Variants in SLC44A5 observed in about 807,000 individuals in gnomAD.
SLC44A5 encodes the protein solute carrier family 44 member 5, also known as choline transporter-like protein 5.
In SLC44A5, 57 loss-of-function variants were observed where a neutral mutation model predicts 101.8. The observed-to-expected ratio is 0.56, with a 90% CI of 0.45 to 0.70. The LOEUF is 0.70. Among genes scored for constraint, SLC44A5 ranks in the 30% least tolerant of loss-of-function variants. The pLI, the probability that SLC44A5 is intolerant of heterozygous loss-of-function variation, is 0.00. For synonymous variants in SLC44A5, 281 were observed against 290.9 expected (o/e 0.97, Z 0.35); for missense variants, 737 against 853.1 (o/e 0.86, Z 1.70).
chr1:75,545,799 T>C (rs1570580987), intron 1 of SLC44A5, among the ~76,000 whole-genome samples: 1 of 149,428 alleles, frequency 6.7e-6, no homozygotes, highest in Non-Finnish European at 1.5e-5. Flanking sequence ...CATTTATTAG[T>C]TAATTAACCA....
At chr1:75,492,755 T>C (rs940618959) in intron 2 of SLC44A5, among the ~76,000 whole-genome samples, 1 of 152,204 alleles carries the variant, frequency 6.6e-6, no homozygotes, top group African/African-American at 2.4e-5. Flanking sequence ...AAAGGTATTA[T>C]GATTATTGCT....
At chr1:75,434,152 C>T (rs751673108) in intron 2 of SLC44A5, among the ~76,000 whole-genome samples, 79 of 152,234 alleles carry the variant, frequency 5.2e-4, no homozygotes, top group South Asian at 2.5e-3. Flanking sequence ...TCACCTTAGC[C>T]GAATAACAGC....
intron 2 of SLC44A5, among the ~76,000 whole-genome samples, chr1:75,464,394 C>A (rs966175755): frequency 6.6e-6 from 1 of 150,922 alleles, no homozygotes; most frequent in Non-Finnish European, 1.5e-5. Flanking sequence ...CTCATGGTAA[C>A]CTCAAACCAG....
At chr1:75,487,797 G>T (rs934573916) in intron 2 of SLC44A5, among the ~76,000 whole-genome samples, 1 of 152,132 alleles carries the variant, frequency 6.6e-6, no homozygotes, top group Admixed American at 6.6e-5. Flanking sequence ...TAGCCCAGGG[G>T]TCCCCAGTCC....
chr1:75,625,129 C>G, the SLC44A5 span, among the ~76,000 whole-genome samples: 4 of 152,116 alleles, frequency 2.6e-5, no homozygotes, highest in Admixed American at 2.6e-4. Context: ...CCCACACACA[C>G]CCCTTAACTC....
intron 9 of SLC44A5, 133 bp downstream of exon 9, chr1:75,241,868 A>G: frequency 1.6e-6 from 1 of 641,436 alleles, no homozygotes; most frequent in Non-Finnish European, 2.6e-6. Context: ...CTTTCCTGCT[A>G]ATCAACTCTG....
intron 23 of SLC44A5, among the ~76,000 whole-genome samples, chr1:75,210,085 T>C (rs1005758463): frequency 6.6e-6 from 1 of 152,064 alleles, no homozygotes; most frequent in Admixed American, 6.6e-5. Context: ...CTTGCTCTGT[T>C]ACTCAGGCTG....
At chr1:75,463,076 A>T (rs1010489902) in intron 2 of SLC44A5, among the ~76,000 whole-genome samples, 2 of 152,182 alleles carry the variant, frequency 1.3e-5, no homozygotes, top group East Asian at 3.9e-4. Flanking sequence ...AACCCAAAGA[A>T]GTCTGTCTCA....
At chr1:75,408,991 G>C (rs990412248) in intron 2 of SLC44A5, among the ~76,000 whole-genome samples, 2 of 152,114 alleles carry the variant, frequency 1.3e-5, no homozygotes, top group Non-Finnish European at 2.9e-5. Context: ...AAAATAAAAG[G>C]TGATTGATCC....
intron 1 of SLC44A5, among the ~76,000 whole-genome samples, chr1:75,595,640 C>G (rs1674590375): frequency 6.6e-6 from 1 of 152,128 alleles, no homozygotes; most frequent in Admixed American, 6.5e-5. Flanking sequence ...TTTCAGCTCA[C>G]TGGCTGGCAC....
intron 4 of SLC44A5, among the ~76,000 whole-genome samples, chr1:75,308,988 A>C (rs1256064877): frequency 6.6e-6 from 1 of 152,214 alleles, no homozygotes; most frequent in Non-Finnish European, 1.5e-5. Context: ...GGGGACTTAG[A>C]AAATTGCAAG....
chr1:75,537,581 C>A (rs191011590), intron 2 of SLC44A5, among the ~76,000 whole-genome samples: 1 of 152,324 alleles, frequency 6.6e-6, no homozygotes, highest in African/African-American at 2.4e-5. Flanking sequence ...TGGCCAAGGA[C>A]AACAGCAGGC....
intron 23 of SLC44A5, chr1:75,206,691 A>G (rs1948874): frequency 0.38 from 608,432 of 1,607,930 alleles, 122,547 homozygotes; most frequent in East Asian, 0.82. Flanking sequence ...GTTTTTCTGT[A>G]GATCCATCAT....
At chr1:75,483,758 A>C (rs1454014136) in intron 2 of SLC44A5, among the ~76,000 whole-genome samples, 1 of 152,176 alleles carries the variant, frequency 6.6e-6, no homozygotes, top group Non-Finnish European at 1.5e-5. Context: ...ATAAAGAGCT[A>C]CCTAATACTG....
the SLC44A5 span, among the ~76,000 whole-genome samples, chr1:75,701,062 A>G: frequency 9.2e-5 from 14 of 152,194 alleles, no homozygotes; most frequent in South Asian, 2.1e-4. Flanking sequence ...ATTCACAGCC[A>G]AATTCTACCA....
chr1:75,360,802 T>A (rs1277188974), intron 3 of SLC44A5, among the ~76,000 whole-genome samples: 1 of 152,186 alleles, frequency 6.6e-6, no homozygotes, highest in Non-Finnish European at 1.5e-5. Flanking sequence ...AGGGTTTATG[T>A]GGTTCCATAA....
chr1:75,291,151 G>A (rs1194647729), intron 5 of SLC44A5, among the ~76,000 whole-genome samples: 1 of 152,030 alleles, frequency 6.6e-6, no homozygotes, highest in Non-Finnish European at 1.5e-5. Context: ...ATACACTTAT[G>A]TTTCTGATTA....
chr1:75,368,745 A>G (rs1364377693), intron 3 of SLC44A5, among the ~76,000 whole-genome samples: 1 of 152,110 alleles, frequency 6.6e-6, no homozygotes, highest in Non-Finnish European at 1.5e-5. Context: ...AGAAATGTCT[A>G]TTATTGTCAA....
At chr1:75,546,152 T>C (rs974821832) in intron 1 of SLC44A5, among the ~76,000 whole-genome samples, 26 of 152,318 alleles carry the variant, frequency 1.7e-4, no homozygotes, top group Middle Eastern at 3.4e-3. Context: ...TTCTCCTTAG[T>C]TTGTATTTTT....
Sources: gnomAD v4.1 joint callset for allele counts (sites outside exome capture counted in the v4.1 genomes callset) on GRCh38, gnomAD v4.1.1 for gene constraint, MANE v1.5 for transcripts, NCBI Gene and HGNC (gene_info 2026-07-23, HGNC 2026-07-21) for gene names.